Variants in MYRIP observed in about 807,000 individuals in gnomAD.
MYRIP encodes the protein myosin VIIA and Rab interacting protein.
MYRIP carries 49 observed loss-of-function variants against 98.0 expected under a neutral mutation model. The observed-to-expected ratio is 0.50, with a 90% CI of 0.40 to 0.63. MYRIP has a LOEUF of 0.63. Ranked by LOEUF, MYRIP falls within the 30% of genes least tolerant of loss-of-function variation. The pLI is 0.00. For missense variants in MYRIP, 1,004 were observed against 1,058.2 expected, an observed-to-expected ratio of 0.95 and a Z score of 0.71; for synonymous variants, 404 against 409.5, an observed-to-expected ratio of 0.99 and a Z score of 0.16.
At chr3:40,244,000 T>G (rs886569686) in intron 12 of MYRIP, among the ~76,000 whole-genome samples, 1 of 152,194 alleles carries the variant, frequency 6.6e-6, no homozygotes, top group African/African-American at 2.4e-5. Flanking sequence ...CACTCAAAAT[T>G]TGTAATTATT....
chr3:40,080,083 C>G (rs1948441583), intron 3 of MYRIP, among the ~76,000 whole-genome samples: 2 of 152,252 alleles, frequency 1.3e-5, no homozygotes, highest in African/African-American at 4.8e-5. Context: ...AATACTGTTA[C>G]CATTTCACTA....
intron 2 of MYRIP, among the ~76,000 whole-genome samples, chr3:39,974,802 A>G (rs1945701559): frequency 1.3e-5 from 2 of 152,228 alleles, no homozygotes; most frequent in African/African-American, 4.8e-5. Flanking sequence ...TAAAAACCAT[A>G]TGATAATCTC....
intron 3 of MYRIP, among the ~76,000 whole-genome samples, chr3:40,150,232 A>G (rs975917679): frequency 2.6e-5 from 4 of 152,194 alleles, no homozygotes; most frequent in Non-Finnish European, 5.9e-5. Flanking sequence ...CTGGGATTAC[A>G]GGCATGCGCC....
chr3:39,978,012 A>T (rs76818216), intron 2 of MYRIP, among the ~76,000 whole-genome samples: 14 of 44,062 alleles, frequency 3.2e-4, no homozygotes, highest in Admixed American at 7.4e-4. Flanking sequence ...ATTTATCAAC[A>T]AAAAAAAAGA....
intron 3 of MYRIP, chr3:40,071,211 A>G: frequency 1.0e-6 from 1 of 985,118 alleles, no homozygotes; most frequent in Non-Finnish European, 1.2e-6. Flanking sequence ...GAAGTCCCTC[A>G]GGCCCATCGG....
At chr3:39,941,717 A>G (rs1161960673) in intron 2 of MYRIP, among the ~76,000 whole-genome samples, 1 of 152,102 alleles carries the variant, frequency 6.6e-6, no homozygotes, top group Admixed American at 6.6e-5. Context: ...TCATATAAAT[A>G]CATTTCAGTC....
chr3:39,824,928 G>A (rs1013863585), intron 1 of MYRIP, among the ~76,000 whole-genome samples: 9 of 152,036 alleles, frequency 5.9e-5, no homozygotes, highest in Non-Finnish European at 1.2e-4. Context: ...ATGTGGCCCA[G>A]GCTAGTCTCA....
rs1434916839 is a variant in MYRIP, at chr3:40,218,609, A to ATAT, written c.1905+8517_1905+8518insATT. ...CACACACACACACACATATATATAT[A>ATAT]TTTTATATATATATATATATATATA... is the stretch of plus-strand genomic sequence containing the variant. On this transcript the variant is annotated intron_variant, in intron 11 of 16. Coordinates refer to ENST00000302541, the MANE Select transcript of MYRIP (RefSeq NM_015460.4). Among the ~76,000 whole-genome samples, 80 of 127,382 alleles carry ATAT rather than the reference A, an allele frequency of 6.3e-4. 2 individuals are homozygous for ATAT. The highest frequency in any genetic ancestry group is 2.1e-3 in the African/African-American group (59 of 27,964). The allele number at this position is 127,382 out of a possible 152,430, so 83.6% of individuals were successfully genotyped here.
At chr3:39,974,527 G>A (rs949489333) in intron 2 of MYRIP, among the ~76,000 whole-genome samples, 1 of 152,152 alleles carries the variant, frequency 6.6e-6, no homozygotes, top group Non-Finnish European at 1.5e-5. Context: ...TAGAAAAAGA[G>A]GGAATCCTCC....
chr3:40,130,331 T>G (rs76750610), intron 3 of MYRIP, among the ~76,000 whole-genome samples: 4,633 of 152,164 alleles, frequency 0.03, 119 homozygotes, highest in Non-Finnish European at 0.05. Flanking sequence ...GGCTTAATAC[T>G]ACATGTGGAC....
intron 4 of MYRIP, among the ~76,000 whole-genome samples, chr3:40,162,262 G>C (rs1050538324): frequency 3.3e-5 from 5 of 152,108 alleles, no homozygotes; most frequent in African/African-American, 1.2e-4. Flanking sequence ...TTGTCAGGGT[G>C]GGGTGGGGGC....
chr3:40,187,942 A>G (rs1951081667), intron 9 of MYRIP, among the ~76,000 whole-genome samples: 2 of 152,228 alleles, frequency 1.3e-5, no homozygotes, highest in Non-Finnish European at 2.9e-5. Flanking sequence ...GGAGAGGGAC[A>G]CTGAAGGCAA....
At chr3:40,187,698 T>A (rs2679797) in intron 9 of MYRIP, among the ~76,000 whole-genome samples, 61,459 of 152,116 alleles carry the variant, frequency 0.4, 13,806 homozygotes, top group Non-Finnish European at 0.51. Context: ...GATAAAGAGA[T>A]GCCTGAGATC....
At chr3:39,942,582 A>C (rs1024969437) in intron 2 of MYRIP, among the ~76,000 whole-genome samples, 1 of 152,190 alleles carries the variant, frequency 6.6e-6, no homozygotes, top group Non-Finnish European at 1.5e-5. Flanking sequence ...TGAAACATTC[A>C]TATAATGTGT....
chr3:39,893,825 C>T (rs1174555450), intron 1 of MYRIP, among the ~76,000 whole-genome samples: 1 of 151,822 alleles, frequency 6.6e-6, no homozygotes, highest in Non-Finnish European at 1.5e-5. Flanking sequence ...GTGCTGTATC[C>T]ACTTCATAGC....
chr3:39,968,739 T>C (rs1369155546), intron 2 of MYRIP, among the ~76,000 whole-genome samples: 1 of 152,176 alleles, frequency 6.6e-6, no homozygotes, highest in East Asian at 1.9e-4. Context: ...TGTAGTATAG[T>C]TTGAAGTCAA....
At chr3:39,994,821 G>A (rs528526791) in intron 2 of MYRIP, among the ~76,000 whole-genome samples, 1 of 152,286 alleles carries the variant, frequency 6.6e-6, no homozygotes, top group Non-Finnish European at 1.5e-5. Flanking sequence ...ACACGACTGG[G>A]TACTCCTCTC....
chr3:40,214,727 TG>T (rs1360125754), intron 11 of MYRIP, among the ~76,000 whole-genome samples: 1 of 152,154 alleles, frequency 6.6e-6, no homozygotes, highest in Non-Finnish European at 1.5e-5. Context: ...CTTCAAAGCC[TG>T]GGAATGAGCA....
chr3:39,989,824 A>T (rs1559550647), intron 2 of MYRIP, among the ~76,000 whole-genome samples: 1 of 152,184 alleles, frequency 6.6e-6, no homozygotes, highest in Admixed American at 6.5e-5. Flanking sequence ...ACTGTGGGGG[A>T]TACCTCTTGG....
Sources: gnomAD v4.1 joint callset for allele counts (sites outside exome capture counted in the v4.1 genomes callset) on GRCh38, gnomAD v4.1.1 for gene constraint, MANE v1.5 for transcripts, NCBI Gene and HGNC (gene_info 2026-07-23, HGNC 2026-07-21) for gene names.